The following TLE2 variants were observed in gnomAD, a reference collection of about 807,000 sequenced individuals.
TLE2 encodes transducin-like enhancer protein 2.
In TLE2, 74 loss-of-function variants were observed where a neutral mutation model predicts 97.2. The ratio of observed to expected loss-of-function variants is 0.76; its 90% CI spans 0.63 to 0.92. The LOEUF (loss-of-function observed/expected upper bound fraction) is 0.92, where lower values mean the gene tolerates loss of function less well. Ranked by LOEUF, TLE2 falls within the 40% of genes least tolerant of loss-of-function variation. The pLI is 0.00. For synonymous variants in TLE2, 499 were observed against 432.1 expected (o/e 1.15, Z -1.92); for missense variants, 1,038 against 1,008.7 (o/e 1.03, Z -0.39).
At chr19:3,012,538 C>A (rs2145152131) in intron 11 of TLE2, among the ~76,000 whole-genome samples, 1 of 152,328 alleles carries the variant, frequency 6.6e-6, no homozygotes, top group South Asian at 2.1e-4. Context: ...TCTTGAACAA[C>A]AAGGAATTAG....
chr19:3,037,396 A>G (rs563083477), intron 1 of TLE2, among the ~76,000 whole-genome samples: 1 of 152,216 alleles, frequency 6.6e-6, no homozygotes, highest in South Asian at 2.1e-4. Context: ...CCTTTAGATT[A>G]CCCTAACCCT....
In TLE2 at chr19:3,006,464, C is replaced by G; in HGVS notation, c.1456G>C (p.Gly486Arg). Residue 486 changes from glycine (G) to arginine (R), a missense_variant, in exon 15 of 20, where the codon GGC becomes CGC. By Grantham distance (125) the Gly-to-Arg change is moderately radical (BLOSUM62 -2). Coordinates refer to ENST00000262953, the MANE Select transcript of TLE2 (RefSeq NM_003260.5). ...ACGGGCGTCTTGGCCCCAGGCTGGC[C>G]CACGTCCCACACCTTCACACAGCCC... ...GKGCVKVWDV[G>R]QPGAKTPVAQ... 1 of 1,610,852 alleles carries G rather than the reference C, an allele frequency of 6.2e-7. No individual in the cohort carries two copies. Among genetic ancestry groups the G allele is most frequent in the Non-Finnish European group, 8.5e-7 (1 of 1,179,594 alleles).
chr19:3,008,848 G>A, intron 14 of TLE2, 21 bp downstream of exon 14: 6 of 1,531,934 alleles, frequency 3.9e-6, no homozygotes, highest in Non-Finnish European at 5.3e-6. Flanking sequence ...CCCAGGCAGG[G>A]AGCCCCACCC....
intron 17 of TLE2, among the ~76,000 whole-genome samples, chr19:3,002,903 T>G (rs1308665564): frequency 6.6e-6 from 1 of 152,108 alleles, no homozygotes; most frequent in African/African-American, 2.4e-5. Flanking sequence ...TTCACCGTAT[T>G]GGCCAGGCTG....
intron 14 of TLE2, among the ~76,000 whole-genome samples, chr19:3,008,011 G>A (rs2089512237): frequency 1.3e-5 from 2 of 152,166 alleles, no homozygotes; most frequent in Admixed American, 6.5e-5. Context: ...GAACCCAGGA[G>A]GTGGAGGTTG....
chr19:3,012,880 G>C (rs544145100), intron 11 of TLE2, among the ~76,000 whole-genome samples: 2 of 152,222 alleles, frequency 1.3e-5, no homozygotes, highest in African/African-American at 2.4e-5. Context: ...ACCCGCGAGA[G>C]AGTGGATGGG....
chr19:3,015,797 G>C (rs2089690018), intron 8 of TLE2, 37 bp from the exon 9 acceptor site: 1 of 1,471,116 alleles, frequency 6.8e-7, no homozygotes, highest in Non-Finnish European at 9.3e-7. Flanking sequence ...GAAAGGGTCA[G>C]GGCCCTGGGC....
At position 3,028,352 on chromosome 19, in the gene TLE2, G is replaced by T. The variant is rs1336338646; in HGVS notation, c.153C>A (p.Ser51Arg). 23 of 1,608,956 alleles carry T rather than the reference G, an allele frequency of 1.4e-5. No homozygotes were observed. Among genetic ancestry groups the T allele is most frequent in the Non-Finnish European group, 2.0e-5 (23 of 1,177,654 alleles). ...SLKLECEKLA[S>R]EKTEMQRHYV... is the part of the protein sequence containing the mutation. ...AATGTCGCTGCATTTCCGTCTTCTC[G>T]CTGGCCAGCTTCTCACATTCTAGCT... Residue 51 changes from serine (S) to arginine (R), a missense_variant, in exon 3 of 20, where the codon AGC (serine) becomes AGA (arginine). By Grantham distance (110) the Ser-to-Arg change is moderately radical (BLOSUM62 -1). Transcript: ENST00000262953.
chr19:3,015,865 C>T (rs1195947007), intron 8 of TLE2, 105 bp from the exon 9 acceptor site: 24 of 844,384 alleles, frequency 2.8e-5, no homozygotes, highest in South Asian at 1.3e-4. Flanking sequence ...TATTAGGGTC[C>T]GGACCTCAAG....
chr19:3,021,120 G>A, intron 5 of TLE2, among the ~76,000 whole-genome samples: 1 of 139,424 alleles, frequency 7.2e-6, no homozygotes, highest in Non-Finnish European at 1.6e-5. Flanking sequence ...AAAAAGGGGG[G>A]GGGGTGCTGA....
At chr19:3,016,563 C>T (rs1383421223) in intron 8 of TLE2, among the ~76,000 whole-genome samples, 2 of 145,342 alleles carry the variant, frequency 1.4e-5, no homozygotes, top group Non-Finnish European at 3.0e-5. Context: ...GCGCTCCAGC[C>T]TGGGCGACAG....
upstream of TLE2, chr19:3,029,505 C>T (rs2090003472): frequency 4.1e-6 from 4 of 973,588 alleles, no homozygotes; most frequent in Non-Finnish European, 4.8e-6. Flanking sequence ...CCCGGAGGGG[C>T]GGGAGAAGAA....
rs1243989701 is a variant in TLE2, at chr19:2,997,775, T to C, written c.*73A>G. 8.8e-7 allele frequency: 1 copy of C among 1,133,616 alleles called. No individual in the cohort carries two copies. The highest frequency in any genetic ancestry group is 2.0e-5 in the Admixed American group (1 of 50,250). 70.2% of individuals were successfully genotyped at this position (1,133,616 alleles called of 1,614,324 possible). ...TTCCTAGGCAGGGCTGGGAGGCGGC[T>C]GCTAGGATGTCTGTCCTGGCTGCTG... On this transcript the variant is annotated 3_prime_UTR_variant, in exon 20 of 20. Coordinates refer to ENST00000262953, the MANE Select transcript of TLE2 (RefSeq NM_003260.5).
Position 3,000,661 on chromosome 19 carries a change from C to A in TLE2, c.2110G>T (p.Ala704Ser). The change falls in exon 19 of 20, where the codon GCC becomes TCC. Residue 704 changes from alanine (A) to serine (S), a missense_variant. By Grantham distance (99) the Ala-to-Ser change is moderately conservative. Coordinates refer to ENST00000262953, the MANE Select transcript of TLE2 (RefSeq NM_003260.5). The part of the protein sequence containing the change: ...LLNAWRTPYG[A>S]SIFQSKESSS... The stretch of plus-strand genomic sequence containing the variant: ...CCGCCGAGTACCTGGAAAATGCTGG[C>A]CCCGTACGGCGTCCTCCAGGCGTTG... 6.3e-7 allele frequency: 1 copy of A among 1,589,104 alleles called. No homozygotes were observed. Among genetic ancestry groups the A allele is most frequent in the Non-Finnish European group, 8.6e-7 (1 of 1,168,222 alleles).
In TLE2 at chr19:3,006,611, C is replaced by A. The variant is rs759953231; in HGVS notation, c.1309G>T (p.Asp437Tyr). 3.1e-6 allele frequency: 5 copies of A among 1,610,610 alleles called. No individual in the cohort carries two copies. The highest frequency in any genetic ancestry group is 4.2e-6 in the Non-Finnish European group (5 of 1,178,640). Residue 437 changes from aspartate to tyrosine, a missense_variant, in exon 15 of 20, where the codon GAT (aspartate) becomes TAT (tyrosine). Transcript: ENST00000262953. ...GGGATGCCCGCGCCTACCAGTGCAT[C>A]CGAGGGGAAGGGAACCGGCTGCATC... ...GQMQPVPFPSDALVGAGIPRH... is the reference protein window; with the variant it reads ...GQMQPVPFPSYALVGAGIPRH...
intron 14 of TLE2, among the ~76,000 whole-genome samples, chr19:3,007,393 G>GA (rs1273671484): frequency 6.6e-6 from 1 of 152,106 alleles, no homozygotes; most frequent in Non-Finnish European, 1.5e-5. Flanking sequence ...CCCAGCCTCT[G>GA]ATGCATTTTT....
chr19:3,024,790 A>G (rs1051331427), intron 5 of TLE2, among the ~76,000 whole-genome samples: 15 of 152,290 alleles, frequency 9.8e-5, no homozygotes, highest in African/African-American at 3.4e-4. Context: ...AAGGGGGAAA[A>G]CAGCCCCCAG....
rs769377959 is a variant in TLE2 at position 3,008,851 on chromosome 19, C to T, written c.1250+18G>A. The T allele has an allele frequency of 3.9e-6, 6 of 1,538,702 alleles. No individual in the cohort carries two copies. In the African/African-American group the frequency reaches 8.3e-5, roughly 21 times the overall value. On this transcript the variant is annotated intron_variant, in intron 14 of 19. Coordinates refer to ENST00000262953, the MANE Select transcript of TLE2 (RefSeq NM_003260.5). ...CTGGCCCGGGACCCCAGGCAGGGAGCCCCACCCTGGTACTCACGGCTTTCC... is the reference window on the plus strand; with the variant it reads ...CTGGCCCGGGACCCCAGGCAGGGAGTCCCACCCTGGTACTCACGGCTTTCC...
chr19:3,039,943 C>T (rs2090088013), intron 1 of TLE2, among the ~76,000 whole-genome samples: 1 of 152,306 alleles, frequency 6.6e-6, no homozygotes, highest in Non-Finnish European at 1.5e-5. Flanking sequence ...AGAAACGTCT[C>T]ATTGAGTCAT....
Sources: allele counts gnomAD v4.1 joint callset (sites outside exome capture counted in the v4.1 genomes callset), GRCh38; gene constraint gnomAD v4.1.1; transcripts MANE v1.5; gene names NCBI Gene and HGNC (gene_info 2026-07-23, HGNC 2026-07-21).